The following FAM167A variants were observed in gnomAD, a reference collection of about 807,000 sequenced individuals.
FAM167A encodes family with sequence similarity 167 member A, also known as protein FAM167A.
A neutral mutation model predicts 14.9 loss-of-function variants in FAM167A; 23 were observed. That is an observed-to-expected ratio of 1.55 (90% CI 1.11 to 2.19). The LOEUF is 2.19. FAM167A is among the 30% of genes most tolerant of loss of function. The pLI, the probability that FAM167A is intolerant of heterozygous loss-of-function variation, is 0.00. For missense variants in FAM167A, 401 were observed against 281.5 expected (o/e 1.42, Z -3.04); for synonymous variants, 174 against 117.7 (o/e 1.48, Z -3.10).
rs1184676767 is a variant in FAM167A at position 11,423,365 on chromosome 8, C to T, written c.*1008G>A. On this transcript the variant is annotated 3_prime_UTR_variant, in exon 3 of 3. Coordinates refer to ENST00000284486, the MANE Select transcript of FAM167A (RefSeq NM_053279.3). The stretch of plus-strand genomic sequence containing the variant: ...TCCGCATTTGGACAAAAATCAGTTA[C>T]TAACAAGTGAACAACACATCAGTAA... The T allele has an allele frequency of 6.6e-6, 1 of 152,616 alleles. No individual in the cohort carries two copies. The highest frequency in any genetic ancestry group is 2.4e-5 in the African/African-American group (1 of 41,440). 9.5% of individuals were successfully genotyped at this position (152,616 alleles called of 1,614,324 possible).
At chr8:11,466,439 C>G (rs951950221) in intron 1 of FAM167A, among the ~76,000 whole-genome samples, 187 bp downstream of exon 1, 2 of 146,810 alleles carry the variant, frequency 1.4e-5, no homozygotes, top group Non-Finnish European at 2.9e-5. Context: ...CGCGGGAGCG[C>G]ATGAGCGGCC....
intron 2 of FAM167A, among the ~76,000 whole-genome samples, chr8:11,429,187 C>G (rs1253786206): frequency 3.9e-5 from 6 of 152,190 alleles, no homozygotes; most frequent in Admixed American, 2.0e-4. Context: ...ACTCTAAGAA[C>G]CTCACAGAAG....
At chr8:11,443,738 G>GT (rs1806583446) in intron 2 of FAM167A, 2 of 365,944 alleles carry the variant, frequency 5.5e-6, no homozygotes, top group Non-Finnish European at 1.0e-5. Context: ...ACTGGGAGCG[G>GT]TGTTGGGGGG....
chr8:11,454,783 C>G (rs556616815), intron 1 of FAM167A, among the ~76,000 whole-genome samples: 1 of 152,320 alleles, frequency 6.6e-6, no homozygotes, highest in South Asian at 2.1e-4. Context: ...AAACCCAACA[C>G]TTATCTCACC....
At chr8:11,462,493 C>G (rs570293159) in intron 1 of FAM167A, among the ~76,000 whole-genome samples, 7 of 152,298 alleles carry the variant, frequency 4.6e-5, no homozygotes, top group African/African-American at 1.7e-4. Context: ...CTCCTTGGTC[C>G]ATCGAATTGG....
Position 11,461,444 on chromosome 8 carries a change from T to C in FAM167A, c.-398+5182A>G, listed in dbSNP as rs1027333724. 1.2e-4 allele frequency among the ~76,000 whole-genome samples: 19 copies of C among 152,360 alleles called. No homozygotes were observed. The East Asian group carries it at 3.7e-3, about 29-fold the overall frequency. ...CCAGGGCTTTTCTGGCCAAAGGCCA[T>C]GGTGGCAGTGGGGATTAGAGGGCAG... On this transcript the variant is annotated intron_variant, in intron 1 of 2. Transcript: ENST00000284486.
intron 1 of FAM167A, among the ~76,000 whole-genome samples, chr8:11,465,039 AAGG>A (rs572655050): frequency 6.6e-6 from 1 of 152,160 alleles, no homozygotes; most frequent in Non-Finnish European, 1.5e-5. Flanking sequence ...CTGGGCAGGC[AAGG>A]AGGAGAACAG....
intron 2 of FAM167A, among the ~76,000 whole-genome samples, chr8:11,431,628 A>G (rs1805596923): frequency 6.6e-6 from 1 of 152,220 alleles, no homozygotes; most frequent in Non-Finnish European, 1.5e-5. Context: ...TGGTTCTAGC[A>G]CTGAGAATAC....
rs553599764 is a variant in FAM167A at position 11,421,732 on chromosome 8, G to A, written c.*2641C>T. 8 of 399,028 alleles carry A rather than the reference G, an allele frequency of 2.0e-5. No individual in the cohort carries two copies. In the East Asian group the frequency reaches 2.1e-4, roughly 11 times the overall value. 24.7% of individuals were successfully genotyped at this position (399,028 alleles called of 1,614,324 possible). ...ATGACCACGCATGGCAGTGTCGGTGGAGAGTTTGCGTTTTACACCCAGCGA... is the reference window on the plus strand; with the variant it reads ...ATGACCACGCATGGCAGTGTCGGTGAAGAGTTTGCGTTTTACACCCAGCGA... On this transcript the variant is annotated 3_prime_UTR_variant, in exon 3 of 3. Coordinates refer to ENST00000284486, the MANE Select transcript of FAM167A (RefSeq NM_053279.3).
intron 2 of FAM167A, among the ~76,000 whole-genome samples, 189 bp from the exon 3 acceptor site, chr8:11,424,825 C>CA (rs1300157518): frequency 6.6e-5 from 10 of 152,188 alleles, no homozygotes; most frequent in Non-Finnish European, 1.3e-4. Context: ...GGTGCGGTCG[C>CA]AAAACAATAC....
upstream of FAM167A, among the ~76,000 whole-genome samples, chr8:11,469,757 C>A (rs904029191): frequency 6.6e-6 from 1 of 151,918 alleles, no homozygotes; most frequent in Non-Finnish European, 1.5e-5. Context: ...GTGGTACACA[C>A]CTGAAGTCCC....
chr8:11,425,594 A>G (rs917550994), intron 2 of FAM167A, among the ~76,000 whole-genome samples: 3 of 152,168 alleles, frequency 2.0e-5, no homozygotes, highest in Admixed American at 6.5e-5. Context: ...GCTCTTCATC[A>G]AGAGGACCCC....
chr8:11,456,357 G>C (rs1478235192), intron 1 of FAM167A, among the ~76,000 whole-genome samples: 1 of 17,828 alleles, frequency 5.6e-5, no homozygotes, highest in Non-Finnish European at 1.2e-4. Context: ...TGCCCTGCTG[G>C]GTGTGTGTGT....
intron 2 of FAM167A, among the ~76,000 whole-genome samples, chr8:11,432,207 A>G (rs987907549): frequency 6.6e-6 from 1 of 152,192 alleles, no homozygotes; most frequent in Non-Finnish European, 1.5e-5. Flanking sequence ...ACTGATGTCT[A>G]TGGGTCTAAA....
chr8:11,454,512 G>C (rs1346985552), intron 1 of FAM167A, among the ~76,000 whole-genome samples: 4 of 152,230 alleles, frequency 2.6e-5, no homozygotes, highest in Non-Finnish European at 4.4e-5. Flanking sequence ...GCTGGGACCT[G>C]CGGTGGCTTC....
chr8:11,450,816 G>A (rs1211344851), intron 1 of FAM167A, among the ~76,000 whole-genome samples: 1 of 152,206 alleles, frequency 6.6e-6, no homozygotes, highest in East Asian at 1.9e-4. Context: ...CTGGGATGGT[G>A]CCTCCCCTCC....
chr8:11,436,043 C>T (rs749518007), intron 2 of FAM167A, among the ~76,000 whole-genome samples: 5 of 152,214 alleles, frequency 3.3e-5, no homozygotes, highest in East Asian at 3.9e-4. Flanking sequence ...TGGCTCAGGG[C>T]GGGTCCCCAG....
chr8:11,444,331 G>C lies in FAM167A; in HGVS notation c.81C>G (p.Leu27=), dbSNP rs775338153. ...AGAAAPPDDH[L]RSLKALTEKL... ...TCTCGGTGAGGGCCTTCAGGCTCCG[G>C]AGGTGGTCATCGGGTGGTGCGGCTG... The change falls in exon 2 of 3, where the codon CTC becomes CTG. Residue 27 remains leucine (L), a synonymous_variant. Coordinates refer to ENST00000284486, the MANE Select transcript of FAM167A (RefSeq NM_053279.3). 7 of 1,610,756 alleles carry C rather than the reference G, an allele frequency of 4.3e-6. No homozygotes were observed. The highest frequency in any genetic ancestry group is 1.1e-5 in the South Asian group (1 of 90,944).
chr8:11,464,724 C>A (rs1807684521), intron 1 of FAM167A, among the ~76,000 whole-genome samples: 1 of 152,192 alleles, frequency 6.6e-6, no homozygotes, highest in Admixed American at 6.5e-5. Flanking sequence ...CCAAAGGGTT[C>A]TGGGAATACC....
Sources: gnomAD v4.1 joint callset for allele counts (sites outside exome capture counted in the v4.1 genomes callset) on GRCh38, gnomAD v4.1.1 for gene constraint, MANE v1.5 for transcripts, NCBI Gene and HGNC (gene_info 2026-07-23, HGNC 2026-07-21) for gene names.